The following TPCN2 variants were observed in gnomAD, a reference collection of about 807,000 sequenced individuals.
TPCN2 encodes two pore segment channel 2.
A neutral mutation model predicts 111.4 loss-of-function variants in TPCN2; 92 were observed. The ratio of observed to expected loss-of-function variants is 0.83; its 90% CI spans 0.70 to 0.98. The LOEUF (loss-of-function observed/expected upper bound fraction) is 0.98. Ranked by LOEUF, TPCN2 falls within the 50% of genes least tolerant of loss-of-function variation. The pLI is 0.00. For missense variants in TPCN2, 995 were observed against 980.1 expected (o/e 1.02, Z -0.20); for synonymous variants, 405 against 414.5 (o/e 0.98, Z 0.28).
At chr11:69,082,087 C>G (rs888618610) in intron 18 of TPCN2, among the ~76,000 whole-genome samples, 1 of 152,128 alleles carries the variant, frequency 6.6e-6, no homozygotes, top group Non-Finnish European at 1.5e-5. Context: ...CCTCTGTCCC[C>G]GTTCATCCTT....
chr11:69,071,507 T>C, intron 10 of TPCN2, 87 bp downstream of exon 10: 1 of 1,230,624 alleles, frequency 8.1e-7, no homozygotes, highest in Non-Finnish European at 1.2e-6. Flanking sequence ...TGGGTGACCC[T>C]TGCTGGCCAG....
chr11:69,084,042 C>T (rs375525448), intron 19 of TPCN2, 26 bp downstream of exon 19: 14 of 1,611,602 alleles, frequency 8.7e-6, no homozygotes, highest in Admixed American at 6.7e-5. Context: ...CTGCTGGTGG[C>T]GGGTTATGCA....
Position 69,072,593 on chromosome 11 carries a change from C to G in TPCN2, c.1062-34C>G, listed in dbSNP as rs772284378. 5.6e-6 allele frequency: 9 copies of G among 1,610,480 alleles called. No homozygotes were observed. In the African/African-American group the frequency reaches 6.7e-5, roughly 12 times the overall value. ...CAGGGTTCCAAGGGAGCCGAGCTGG[C>G]TGTGCTCACCGGGCTGTGGGTTTTT... On this transcript the variant is annotated intron_variant, in intron 11 of 24. Coordinates refer to ENST00000294309, the MANE Select transcript of TPCN2 (RefSeq NM_139075.4).
At chr11:69,054,156 C>A in intron 2 of TPCN2, 59 bp downstream of exon 2, 2 of 1,482,108 alleles carry the variant, frequency 1.3e-6, no homozygotes, top group South Asian at 1.1e-5. Context: ...CCGATTGGCT[C>A]GCCCCTCCAG....
At position 69,089,639 on chromosome 11, in the gene TPCN2, G is replaced by C. The variant is rs936198748; in HGVS notation, c.*1686G>C. ...TGCCCAATGCAGTTAGCCTCCTGCT[G>C]GTGTTCTCTCTTGTTGCTTGGTGAA... On this transcript the variant is annotated 3_prime_UTR_variant, in exon 25 of 25. Coordinates refer to ENST00000294309, the MANE Select transcript of TPCN2 (RefSeq NM_139075.4). 3 of 152,304 alleles carry C rather than the reference G, an allele frequency of 2.0e-5. No individual in the cohort carries two copies. Among genetic ancestry groups the C allele is most frequent in the African/African-American group, 7.2e-5 (3 of 41,464 alleles). 9.4% of individuals were successfully genotyped at this position (152,304 alleles called of 1,614,324 possible).
At position 69,072,127 on chromosome 11, in the gene TPCN2, C is replaced by G. The variant is rs562511729; in HGVS notation, c.1061+104C>G. ...GGCTTCTTGTGCTTGGCCTGTGCCT[C>G]GCCCCTGCTGGCTGGCACCCGACTC... On this transcript the variant is annotated intron_variant, in intron 11 of 24. Coordinates refer to ENST00000294309, the MANE Select transcript of TPCN2 (RefSeq NM_139075.4). The G allele has an allele frequency of 1.2e-5, 12 of 961,656 alleles. No homozygotes were observed. The South Asian group carries it at 1.6e-4, about 13-fold the overall frequency. The allele number at this position is 961,656 out of a possible 1,614,324, so 59.6% of individuals were successfully genotyped here.
chr11:69,085,731 C>T lies in TPCN2; in HGVS notation c.1899C>T (p.Ala633=). 6.2e-7 allele frequency: 1 copy of T among 1,614,150 alleles called. No individual in the cohort carries two copies. Among genetic ancestry groups the T allele is most frequent in the Non-Finnish European group, 8.5e-7 (1 of 1,180,010 alleles). ...CGSFEQLEYW[A]NNFDDFAAAL... is the part of the protein sequence containing the mutation. ...GCTTCGAGCAGCTGGAGTACTGGGC[C>T]AACAACTTCGATGACTTTGCGGTGA... The change falls in exon 21 of 25, where the codon GCC becomes GCT. Residue 633 remains alanine (A), a synonymous_variant. Transcript: ENST00000294309.
chr11:69,066,149 G>A (rs1263123991), intron 7 of TPCN2, among the ~76,000 whole-genome samples: 1 of 152,132 alleles, frequency 6.6e-6, no homozygotes, highest in Non-Finnish European at 1.5e-5. Flanking sequence ...ATGGGCGCTC[G>A]GTGGGTTGCT....
chr11:69,074,427 A>G (rs1855666412), intron 13 of TPCN2, among the ~76,000 whole-genome samples: 1 of 152,194 alleles, frequency 6.6e-6, no homozygotes, highest in Non-Finnish European at 1.5e-5. Flanking sequence ...GCAATGCGTT[A>G]TCAACTTAAG....
At chr11:69,074,286 C>T in intron 13 of TPCN2, among the ~76,000 whole-genome samples, 1 of 152,232 alleles carries the variant, frequency 6.6e-6, no homozygotes, top group East Asian at 1.9e-4. Flanking sequence ...TTCGGGCATC[C>T]TCTTTAGGGC....
intron 1 of TPCN2, among the ~76,000 whole-genome samples, chr11:69,049,427 G>T (rs1468987969): frequency 6.6e-6 from 1 of 152,342 alleles, no homozygotes; most frequent in Non-Finnish European, 1.5e-5. Context: ...GGCACCCTCC[G>T]TGTGCCCGGG....
At position 69,086,533 on chromosome 11, in the gene TPCN2, A is replaced by T; in HGVS notation, c.2014A>T (p.Ile672Phe). 4 of 1,613,914 alleles carry T rather than the reference A, an allele frequency of 2.5e-6. No individual in the cohort carries two copies. Among genetic ancestry groups the T allele is most frequent in the Non-Finnish European group, 3.4e-6 (4 of 1,179,970 alleles). ...CTCTGTCCTCCGCAGGTGGTCCAAG[A>T]TCTATTTTGTATTGTGGTGGCTGGT... ...YRRYSGPWSK[I>F]YFVLWWLVSS... Residue 672 changes from isoleucine to phenylalanine, a missense_variant, in exon 23 of 25, where the codon ATC becomes TTC. By Grantham distance (21) the Ile-to-Phe change is conservative (BLOSUM62 0). Transcript: ENST00000294309.
chr11:69,062,056 A>G (rs1374750441), intron 5 of TPCN2, among the ~76,000 whole-genome samples: 1 of 152,098 alleles, frequency 6.6e-6, no homozygotes, highest in Non-Finnish European at 1.5e-5. Context: ...CATGGGAAGC[A>G]TGGTGCTGGC....
At chr11:69,079,926 A>G in intron 17 of TPCN2, 43 bp downstream of exon 17, 1 of 1,600,642 alleles carries the variant, frequency 6.2e-7, no homozygotes, top group Non-Finnish European at 8.6e-7. Context: ...AGCAAACAGC[A>G]CCACCACCCA....
intron 4 of TPCN2, 86 bp from the exon 5 acceptor site, chr11:69,057,492 G>A: frequency 7.8e-7 from 1 of 1,286,510 alleles, no homozygotes; most frequent in Non-Finnish European, 1.1e-6. Context: ...CTGGTCGCCT[G>A]GTCCCTGCGC....
chr11:69,064,429 T>C (rs1855171720), intron 7 of TPCN2, among the ~76,000 whole-genome samples: 1 of 152,088 alleles, frequency 6.6e-6, no homozygotes, highest in Admixed American at 6.5e-5. Flanking sequence ...CCCCCAAGGC[T>C]GCGCTGGCCT....
chr11:69,067,509 G>T lies in TPCN2; in HGVS notation c.733G>T (p.Asp245Tyr). 1.2e-6 allele frequency: 2 copies of T among 1,613,446 alleles called. No homozygotes were observed. Among genetic ancestry groups the T allele is most frequent in the Non-Finnish European group, 8.5e-7 (1 of 1,179,952 alleles). Reference sequence around the variant, plus strand: ...CTGCCGCTTCTGCTCTTAGCAGGATGATGGGCAGGACAGGGAGAGGCTGAC... The same window carrying T: ...CTGCCGCTTCTGCTCTTAGCAGGATTATGGGCAGGACAGGGAGAGGCTGAC... The part of the protein sequence containing the change: ...MLLFAGGKQD[D>Y]GQDRERLTYF... Residue 245 changes from aspartate to tyrosine, a missense_variant, in exon 8 of 25, where the codon GAT (aspartate) becomes TAT (tyrosine). Physicochemically the swap from Asp to Tyr is radical, Grantham distance 160. Coordinates refer to ENST00000294309, the MANE Select transcript of TPCN2 (RefSeq NM_139075.4).
At chr11:69,053,203 A>T (rs1861309867) in intron 1 of TPCN2, among the ~76,000 whole-genome samples, 1 of 152,208 alleles carries the variant, frequency 6.6e-6, no homozygotes, top group Non-Finnish European at 1.5e-5. Context: ...GCTTTTGCCC[A>T]GGCCTGCCGG....
intron 13 of TPCN2, among the ~76,000 whole-genome samples, chr11:69,075,634 C>A (rs1855719066): frequency 6.6e-6 from 1 of 152,150 alleles, no homozygotes; most frequent in South Asian, 2.1e-4. Context: ...TTTGGAAGCA[C>A]AAAGAGGTCC....
Sources: gnomAD v4.1 joint callset for allele counts (sites outside exome capture counted in the v4.1 genomes callset) on GRCh38, gnomAD v4.1.1 for gene constraint, MANE v1.5 for transcripts, NCBI Gene and HGNC (gene_info 2026-07-23, HGNC 2026-07-21) for gene names.